CCDC158: variants seen among roughly 807,000 people sequenced by gnomAD.
CCDC158 encodes coiled-coil domain-containing protein 158.
A neutral mutation model predicts 138.6 loss-of-function variants in CCDC158; 116 were observed. The observed-to-expected ratio is 0.84, with a 90% CI of 0.72 to 0.98. CCDC158 has a LOEUF of 0.98. Among genes scored for constraint, CCDC158 ranks in the 50% least tolerant of loss-of-function variants. CCDC158 has a pLI of 0.00. For synonymous variants in CCDC158, 436 were observed against 442.4 expected, an observed-to-expected ratio of 0.99 and a Z score of 0.18; for missense variants, 1,265 against 1,306.1, an observed-to-expected ratio of 0.97 and a Z score of 0.48.
intron 9 of CCDC158, among the ~76,000 whole-genome samples, chr4:76,374,879 A>G (rs1199457713): frequency 6.6e-6 from 1 of 152,126 alleles, no homozygotes; most frequent in African/African-American, 2.4e-5. Flanking sequence ...AAAAAGAAAG[A>G]AAAAGAAACG....
rs191425963 is a variant in CCDC158, at chr4:76,379,343, C to T, written c.976G>A (p.Val326Ile). ...CTTAATTCAGAACGTAGCTGAGAAA[C>T]AGTAGATTCCAGATCGCTGAGCTGA... ...MRQLSDLESTVSQLRSELREA... is the reference protein window; with the variant it reads ...MRQLSDLESTISQLRSELREA... Residue 326 changes from valine to isoleucine, a missense_variant, in exon 9 of 25, where the codon GTT (valine) becomes ATT (isoleucine). Coordinates refer to ENST00000682701, the MANE Select transcript of CCDC158 (RefSeq NM_001394954.1). 19 of 1,610,272 alleles carry T rather than the reference C, an allele frequency of 1.2e-5. No homozygotes were observed. In the East Asian group the frequency reaches 3.8e-4, roughly 32 times the overall value.
intron 24 of CCDC158, among the ~76,000 whole-genome samples, chr4:76,322,359 G>C (rs1276022126): frequency 2.0e-5 from 3 of 152,058 alleles, no homozygotes; most frequent in Non-Finnish European, 4.4e-5. Flanking sequence ...CTGTGACTTG[G>C]AATTTATTGA....
chr4:76,331,305 A>T (rs533975151), intron 21 of CCDC158, 39 bp downstream of exon 21: 1 of 1,558,810 alleles, frequency 6.4e-7, no homozygotes, highest in Non-Finnish European at 8.9e-7. Context: ...GAACAGTCGT[A>T]AAAGGGACAT....
chr4:76,336,432 C>A (rs1721516153), intron 18 of CCDC158, among the ~76,000 whole-genome samples: 1 of 152,026 alleles, frequency 6.6e-6, no homozygotes, highest in Non-Finnish European at 1.5e-5. Flanking sequence ...ACAAAAATAT[C>A]AAGGCTGGAG....
At chr4:76,356,088 A>C (rs1340453257) in intron 14 of CCDC158, among the ~76,000 whole-genome samples, 1 of 152,184 alleles carries the variant, frequency 6.6e-6, no homozygotes, top group Non-Finnish European at 1.5e-5. Flanking sequence ...AAAAGGATTG[A>C]AAATGCCACA....
At position 76,367,511 on chromosome 4, in the gene CCDC158, T is replaced by C; in HGVS notation, c.1613A>G (p.Asn538Ser). ...CACATTTCTGAGATGATCCCCTTCA[T>C]TTTTCAAGTGTTGCAGCTCCTGCAA... ...LKLQELQHLK[N>S]EGDHLRNVQT... Residue 538 changes from asparagine to serine, a missense_variant, in exon 12 of 25, where the codon AAT (asparagine) becomes AGT (serine). Asn to Ser is a conservative substitution (Grantham distance 46). Transcript: ENST00000682701. 6.2e-7 allele frequency: 1 copy of C among 1,614,226 alleles called. No homozygotes were observed. The highest frequency in any genetic ancestry group is 8.5e-7 in the Non-Finnish European group (1 of 1,180,046).
At chr4:76,403,704 A>G (rs756996926) in intron 2 of CCDC158, among the ~76,000 whole-genome samples, 4 of 152,180 alleles carry the variant, frequency 2.6e-5, no homozygotes, top group Non-Finnish European at 4.4e-5. Context: ...GTGGAGAACA[A>G]TGGTGGTGGT....
intron 1 of CCDC158, among the ~76,000 whole-genome samples, chr4:76,416,841 G>C (rs1729738529): frequency 6.6e-6 from 1 of 152,230 alleles, no homozygotes; most frequent in Admixed American, 6.5e-5. Flanking sequence ...GACCGTTATG[G>C]AGAACCTCTG....
chr4:76,357,572 C>G (rs1002479961), intron 13 of CCDC158, 46 bp from the exon 14 acceptor site: 1 of 1,188,484 alleles, frequency 8.4e-7, no homozygotes, highest in African/African-American at 1.6e-5. Flanking sequence ...TTTTTCTATC[C>G]CATTGTTAAT....
chr4:76,321,660 C>T (rs1463384416), intron 24 of CCDC158, among the ~76,000 whole-genome samples: 1 of 144,016 alleles, frequency 6.9e-6, no homozygotes, highest in Non-Finnish European at 1.5e-5. Context: ...CATATATATA[C>T]CATGTATATT....
chr4:76,413,951 C>CT (rs909255953), intron 1 of CCDC158, among the ~76,000 whole-genome samples: 4 of 151,684 alleles, frequency 2.6e-5, no homozygotes, highest in East Asian at 1.9e-4. Context: ...TTCTTTCTTT[C>CT]TTTTTTTTGA....
chr4:76,415,094 A>G (rs531058608), intron 1 of CCDC158, among the ~76,000 whole-genome samples: 1 of 152,222 alleles, frequency 6.6e-6, no homozygotes. Flanking sequence ...TGAGGTGGTC[A>G]GATGGAGATG....
intron 12 of CCDC158, among the ~76,000 whole-genome samples, chr4:76,364,536 A>G (rs1724465204): frequency 7.0e-6 from 1 of 143,744 alleles, no homozygotes; most frequent in African/African-American, 3.0e-5. Context: ...TATAATATTA[A>G]AAACACTATA....
chr4:76,337,614 C>T (rs899180819), intron 18 of CCDC158, among the ~76,000 whole-genome samples: 2 of 152,004 alleles, frequency 1.3e-5, no homozygotes, highest in African/African-American at 2.4e-5. Context: ...CGCCTGTAAT[C>T]CCAGCTACTT....
intron 2 of CCDC158, among the ~76,000 whole-genome samples, chr4:76,409,718 C>T (rs1729136692): frequency 6.6e-6 from 1 of 152,076 alleles, no homozygotes; most frequent in South Asian, 2.1e-4. Context: ...GTATTCCCAG[C>T]TATTCGGGAG....
chr4:76,391,481 T>A (rs913816387), intron 4 of CCDC158, among the ~76,000 whole-genome samples: 5 of 151,736 alleles, frequency 3.3e-5, no homozygotes, highest in Non-Finnish European at 7.4e-5. Context: ...TTGAAACATA[T>A]GATAATGGAA....
intron 4 of CCDC158, among the ~76,000 whole-genome samples, chr4:76,392,908 A>G (rs946337902): frequency 6.6e-6 from 1 of 151,428 alleles, no homozygotes; most frequent in South Asian, 2.1e-4. Context: ...ATAAAATGAA[A>G]TACTAGGAAT....
At chr4:76,323,570 A>G (rs1023853815) in intron 23 of CCDC158, among the ~76,000 whole-genome samples, 161 bp from the exon 24 acceptor site, 1 of 152,246 alleles carries the variant, frequency 6.6e-6, no homozygotes, top group Non-Finnish European at 1.5e-5. Context: ...ACTCTAAAAC[A>G]TGATTTTAAA....
intron 18 of CCDC158, chr4:76,344,629 A>C: frequency 6.5e-7 from 1 of 1,537,236 alleles, no homozygotes; most frequent in East Asian, 2.2e-5. Flanking sequence ...GAGAGAGATA[A>C]AGTCAAATTT....
Sources: allele counts gnomAD v4.1 joint callset (sites outside exome capture counted in the v4.1 genomes callset), GRCh38; gene constraint gnomAD v4.1.1; transcripts MANE v1.5; gene names NCBI Gene and HGNC (gene_info 2026-07-23, HGNC 2026-07-21).